The following PSD2 variants were observed in gnomAD, a reference collection of about 807,000 sequenced individuals.
The protein encoded by PSD2 is pleckstrin and Sec7 domain containing 2, also known as PH and SEC7 domain-containing protein 2.
A neutral mutation model predicts 69.8 loss-of-function variants in PSD2; 38 were observed. That is an observed-to-expected ratio of 0.54 (90% CI 0.42 to 0.71). The LOEUF (loss-of-function observed/expected upper bound fraction) is 0.71. Ranked by LOEUF, PSD2 falls within the 30% of genes least tolerant of loss-of-function variation. PSD2 has a pLI of 0.00. For synonymous variants in PSD2, 412 were observed against 423.0 expected (o/e 0.97, Z 0.32); for missense variants, 943 against 1,014.5 (o/e 0.93, Z 0.96).
chr5:139,818,269 G>C (rs1760174150), intron 5 of PSD2, among the ~76,000 whole-genome samples: 1 of 152,162 alleles, frequency 6.6e-6, no homozygotes, highest in Non-Finnish European at 1.5e-5. Flanking sequence ...TTCTGGTCAG[G>C]CACAGTGGCT....
At chr5:139,827,361 C>G (rs1760452183) in intron 7 of PSD2, among the ~76,000 whole-genome samples, 1 of 152,200 alleles carries the variant, frequency 6.6e-6, no homozygotes, top group Non-Finnish European at 1.5e-5. Context: ...GACCAATTAG[C>G]ACAGCTGTGT....
At chr5:139,782,582 T>C in the PSD2 span, among the ~76,000 whole-genome samples, 1 of 147,612 alleles carries the variant, frequency 6.8e-6, no homozygotes, top group Admixed American at 6.9e-5. Flanking sequence ...AACCTCTGCC[T>C]CCCGGGTTCA....
At chr5:139,781,459 C>G in the PSD2 span, among the ~76,000 whole-genome samples, 4 of 151,750 alleles carry the variant, frequency 2.6e-5, 1 homozygote, top group South Asian at 8.3e-4. Context: ...CCTCAGCCTC[C>G]CGAGTAGCTG....
Position 139,814,951 on chromosome 5 carries a change from C to T in PSD2, c.1016+587C>T, listed in dbSNP as rs1760081791. On this transcript the variant is annotated intron_variant, in intron 4 of 14. Coordinates refer to ENST00000274710, the MANE Select transcript of PSD2 (RefSeq NM_032289.4). The surrounding 1 kb of genome is among the most constrained non-coding windows in gnomAD (Gnocchi z 4.4). ...GCCGGCACATTCTGCTCACATCTGA[C>T]CACCAGTGTGACCACCCACCACCTG... 1.3e-5 allele frequency among the ~76,000 whole-genome samples: 2 copies of T among 152,192 alleles called. No individual in the cohort carries two copies. The highest frequency in any genetic ancestry group is 2.4e-5 in the African/African-American group (1 of 41,438).
the PSD2 span, among the ~76,000 whole-genome samples, chr5:139,751,795 T>C: frequency 1.3e-5 from 2 of 148,928 alleles, no homozygotes; most frequent in Non-Finnish European, 1.5e-5. Flanking sequence ...CCAGCCTTTT[T>C]TTTTTTTTTT....
At chr5:139,821,313 T>C (rs1760254286) in intron 5 of PSD2, among the ~76,000 whole-genome samples, 1 of 152,124 alleles carries the variant, frequency 6.6e-6, no homozygotes, top group African/African-American at 2.4e-5. Context: ...GGGAGGAGGA[T>C]TGGGTGCAGG....
At chr5:139,766,932 T>TCCTTC in the PSD2 span, among the ~76,000 whole-genome samples, 46 of 52,720 alleles carry the variant, frequency 8.7e-4, 2 homozygotes, top group African/African-American at 3.8e-3. Flanking sequence ...TTCCTTCCCT[T>TCCTTC]CTTTCTTTCT....
At chr5:139,817,879 C>T (rs1760160909) in intron 5 of PSD2, among the ~76,000 whole-genome samples, 1 of 152,198 alleles carries the variant, frequency 6.6e-6, no homozygotes, top group South Asian at 2.1e-4. Context: ...TTACTGCATC[C>T]TCTGTACCCA....
chr5:139,821,236 T>G (rs932803179), intron 5 of PSD2, among the ~76,000 whole-genome samples: 2 of 152,060 alleles, frequency 1.3e-5, no homozygotes, highest in Non-Finnish European at 2.9e-5. Context: ...CCTGGCCCAG[T>G]GATGGATTTT....
chr5:139,783,734 C>G, the PSD2 span, among the ~76,000 whole-genome samples: 5 of 152,104 alleles, frequency 3.3e-5, no homozygotes, highest in African/African-American at 7.2e-5. Context: ...CCAGTGGCCT[C>G]CATGCTGCTA....
At chr5:139,768,065 G>A in the PSD2 span, among the ~76,000 whole-genome samples, 7 of 152,354 alleles carry the variant, frequency 4.6e-5, no homozygotes, top group Non-Finnish European at 7.4e-5. Context: ...CTGGCCCCCC[G>A]CCAGGGAGGG....
intron 7 of PSD2, among the ~76,000 whole-genome samples, chr5:139,828,720 G>A (rs1479128811): frequency 6.6e-6 from 1 of 152,142 alleles, no homozygotes; most frequent in East Asian, 1.9e-4. Context: ...TGATCTCAGG[G>A]CTGTGCATGG....
upstream of PSD2, among the ~76,000 whole-genome samples, chr5:139,792,435 C>T (rs1030962443): frequency 2.0e-5 from 3 of 152,134 alleles, no homozygotes; most frequent in African/African-American, 7.2e-5. Context: ...CCCCCCTCCC[C>T]CCATAACTTT....
At chr5:139,750,935 G>T in the PSD2 span, among the ~76,000 whole-genome samples, 2 of 152,144 alleles carry the variant, frequency 1.3e-5, no homozygotes, top group African/African-American at 4.8e-5. Flanking sequence ...ACTCCTCAAA[G>T]AAATGCCATT....
chr5:139,788,029 A>G, the PSD2 span, among the ~76,000 whole-genome samples: 1 of 152,222 alleles, frequency 6.6e-6, no homozygotes, highest in Non-Finnish European at 1.5e-5. Flanking sequence ...AGGATGACCC[A>G]TATGACCTGT....
At chr5:139,765,414 A>G in the PSD2 span, among the ~76,000 whole-genome samples, 10 of 152,002 alleles carry the variant, frequency 6.6e-5, no homozygotes, top group Middle Eastern at 3.4e-3. Context: ...GTGCCCTCCT[A>G]TTAATCGGCC....
Position 139,814,406 on chromosome 5 carries a change from G to A in PSD2, c.1016+42G>A, listed in dbSNP as rs755318399. 23 of 1,530,000 alleles carry A rather than the reference G, an allele frequency of 1.5e-5. No individual in the cohort carries two copies. The highest frequency in any genetic ancestry group is 2.4e-4 in the Middle Eastern group (1 of 4,226). The allele number at this position is 1,530,000 out of a possible 1,614,324, so 94.8% of individuals were successfully genotyped here. A position where few individuals can be genotyped will look rare whatever the true frequency, so the allele number is the denominator to read the frequency against. On this transcript the variant is annotated intron_variant, in intron 4 of 14. Coordinates refer to ENST00000274710, the MANE Select transcript of PSD2 (RefSeq NM_032289.4). The surrounding 1 kb of genome is among the most constrained non-coding windows in gnomAD (Gnocchi z 4.4). Reference sequence around the variant, plus strand: ...CTGCCCCCAACCCTGGGCAAACCTCGTGTCTTCCTCAACCTGAAGAGGGTG... The same window carrying A: ...CTGCCCCCAACCCTGGGCAAACCTCATGTCTTCCTCAACCTGAAGAGGGTG...
chr5:139,823,253 C>T (rs1760319401), intron 7 of PSD2, among the ~76,000 whole-genome samples: 1 of 152,218 alleles, frequency 6.6e-6, no homozygotes, highest in Admixed American at 6.5e-5. Context: ...GGCTCAATAA[C>T]TCCTTCTTCT....
In PSD2 at chr5:139,799,014, G is replaced by A. The variant is rs372500589; in HGVS notation, c.-51+3039G>A. 8.6e-5 allele frequency among the ~76,000 whole-genome samples: 13 copies of A among 151,996 alleles called. No homozygotes were observed. In the South Asian group the frequency reaches 2.3e-3, roughly 27 times the overall value. Reference sequence around the variant, plus strand: ...TGTCAATTTGGAAGGCTTGTGATACGTCTCACATCCTGGATTTGTCTTCTT... The same window carrying A: ...TGTCAATTTGGAAGGCTTGTGATACATCTCACATCCTGGATTTGTCTTCTT... On this transcript the variant is annotated intron_variant, in intron 1 of 14. Coordinates refer to ENST00000274710, the MANE Select transcript of PSD2 (RefSeq NM_032289.4).
Sources: allele counts gnomAD v4.1 joint callset (sites outside exome capture counted in the v4.1 genomes callset), GRCh38; gene constraint gnomAD v4.1.1; non-coding constraint Gnocchi (gnomAD v3.1); transcripts MANE v1.5; gene names NCBI Gene and HGNC (gene_info 2026-07-23, HGNC 2026-07-21).